SLCO5A1: variants seen among roughly 807,000 people sequenced by gnomAD.
The protein encoded by SLCO5A1 is organic anion transporter polypeptide-related protein 4.
A neutral mutation model predicts 65.1 loss-of-function variants in SLCO5A1; 39 were observed. That is an observed-to-expected ratio of 0.60 (90% CI 0.46 to 0.78). SLCO5A1 has a LOEUF of 0.78. Among genes scored for constraint, SLCO5A1 ranks in the 30% least tolerant of loss-of-function variants. The pLI, the probability that SLCO5A1 is intolerant of heterozygous loss-of-function variation, is 0.00. For synonymous variants in SLCO5A1, 438 were observed against 415.7 expected (o/e 1.05, Z -0.65); for missense variants, 1,029 against 1,069.4 (o/e 0.96, Z 0.53).
intron 4 of SLCO5A1, among the ~76,000 whole-genome samples, chr8:69,747,318 T>A (rs1316193184): frequency 6.6e-6 from 1 of 152,186 alleles, no homozygotes; most frequent in African/African-American, 2.4e-5. Flanking sequence ...TTGATCCTCT[T>A]CTTTTATGAG....
In SLCO5A1 at chr8:69,763,224, G is replaced by A. The variant is rs1015480022; in HGVS notation, c.908-1349C>T. ...CTTGGGAAGCTGAGGCAGGAGAATC[G>A]CTTGAACCTGGGAGATGGAGGTTGC... On this transcript the variant is annotated intron_variant, in intron 2 of 9. Transcript: ENST00000260126. Among the ~76,000 whole-genome samples the A allele has an allele frequency of 4.8e-4, 73 of 151,984 alleles. 1 individual carries two copies. Among genetic ancestry groups the A allele is most frequent in the East Asian group, 1.9e-4 (1 of 5,152 alleles).
intron 5 of SLCO5A1, among the ~76,000 whole-genome samples, chr8:69,705,490 C>G (rs34693001): frequency 0.04 from 6,082 of 152,130 alleles, 235 homozygotes; most frequent in African/African-American, 0.097. Context: ...GTGAGTAAAA[C>G]TTGAATAAGT....
intron 5 of SLCO5A1, among the ~76,000 whole-genome samples, chr8:69,721,676 GA>G (rs202002682): frequency 0.014 from 2,088 of 151,968 alleles, 49 homozygotes; most frequent in African/African-American, 0.047. Context: ...TAAAAATGAA[GA>G]AAAAAATGTT....
At chr8:69,718,997 C>A (rs1019571306) in intron 5 of SLCO5A1, among the ~76,000 whole-genome samples, 1 of 152,150 alleles carries the variant, frequency 6.6e-6, no homozygotes, top group Non-Finnish European at 1.5e-5. Flanking sequence ...GAAGGAGCAA[C>A]GTGAACACAG....
At chr8:69,824,028 T>C (rs1481088659) in intron 2 of SLCO5A1, among the ~76,000 whole-genome samples, 5 of 152,220 alleles carry the variant, frequency 3.3e-5, no homozygotes, top group African/African-American at 1.2e-4. Flanking sequence ...GAATGACTAC[T>C]GGGTACATAA....
intron 1 of SLCO5A1, chr8:69,833,454 A>G (rs929741005): frequency 2.0e-5 from 3 of 152,282 alleles, no homozygotes; most frequent in African/African-American, 7.2e-5. Flanking sequence ...TTATATGTTA[A>G]TAATTATCAA....
chr8:69,732,229 A>C (rs1337209261), intron 5 of SLCO5A1, among the ~76,000 whole-genome samples: 1 of 152,226 alleles, frequency 6.6e-6, no homozygotes, highest in Non-Finnish European at 1.5e-5. Context: ...AAATTACAGT[A>C]ATTTTAAAAA....
intron 4 of SLCO5A1, among the ~76,000 whole-genome samples, chr8:69,748,785 T>TA (rs1053749340): frequency 3.9e-4 from 59 of 152,302 alleles, no homozygotes; most frequent in Non-Finnish European, 1.3e-4. Context: ...GGGAAATTGT[T>TA]AAAAAATGCT....
rs142814382 is a variant in SLCO5A1 at position 69,748,154 on chromosome 8, G to A, written c.1258+7270C>T. 7.2e-5 allele frequency among the ~76,000 whole-genome samples: 11 copies of A among 152,224 alleles called. No homozygotes were observed. In the East Asian group the frequency reaches 1.7e-3, roughly 24 times the overall value. On this transcript the variant is annotated intron_variant, in intron 4 of 9. Transcript: ENST00000260126. ...GACAGGAGCTAGATGACACTAGCAC[G>A]CCACAGTCACCTGGCAGCTTAGCAC...
rs200729998 is a variant in SLCO5A1 at position 69,673,030 on chromosome 8, G to C, written c.2386C>G (p.Pro796Ala). ...HPDNARTRSC[P>A]AFSTQGEFHE... ...AATTCTCCCTGGGTGCTGAAAGCTGGGCAAGATCTAGTCCGGGCATTGTCG... is the reference window on the plus strand; with the variant it reads ...AATTCTCCCTGGGTGCTGAAAGCTGCGCAAGATCTAGTCCGGGCATTGTCG... Residue 796 changes from proline (P) to alanine (A), a missense_variant, in exon 10 of 10, where the codon CCA becomes GCA. Coordinates refer to ENST00000260126, the MANE Select transcript of SLCO5A1 (RefSeq NM_030958.3). 275 of 1,614,058 alleles carry C rather than the reference G, an allele frequency of 1.7e-4. 1 individual carries two copies. The highest frequency in any genetic ancestry group is 2.1e-4 in the Non-Finnish European group (253 of 1,180,038).
In SLCO5A1 at chr8:69,738,072, C is replaced by A. The variant is rs1382368847; in HGVS notation, c.1391G>T (p.Gly464Val). Residue 464 changes from glycine (G) to valine (V), a missense_variant, in exon 5 of 10, where the codon GGT becomes GTT. Physicochemically the swap from Gly to Val is moderately radical, Grantham distance 109 (BLOSUM62 -3). Transcript: ENST00000260126. The stretch of plus-strand genomic sequence containing the variant: ...GATGCTGGCATTGGAGGCTGGGATA[C>A]CAAACTGTGACTCGATGAACTTGGG... ...FIPKFIESQF[G>V]IPASNASIYT... 1 of 1,610,020 alleles carries A rather than the reference C, an allele frequency of 6.2e-7. No homozygotes were observed.
At chr8:69,768,764 T>A (rs996692593) in intron 2 of SLCO5A1, among the ~76,000 whole-genome samples, 1 of 152,128 alleles carries the variant, frequency 6.6e-6, no homozygotes, top group Admixed American at 6.5e-5. Context: ...CCTCTCCACA[T>A]ACAATCACAC....
At chr8:69,717,365 C>T (rs181456516) in intron 5 of SLCO5A1, among the ~76,000 whole-genome samples, 1 of 152,264 alleles carries the variant, frequency 6.6e-6, no homozygotes, top group Admixed American at 6.5e-5. Flanking sequence ...ATTTGTTCCT[C>T]ATTGAATAGC....
At chr8:69,761,688 A>T in intron 3 of SLCO5A1, 55 bp downstream of exon 3, 2 of 1,577,508 alleles carry the variant, frequency 1.3e-6, no homozygotes, top group African/African-American at 2.7e-5. Flanking sequence ...GTGTACCATG[A>T]CTTTAACTAT....
At chr8:69,721,938 G>A (rs1815841119) in intron 5 of SLCO5A1, among the ~76,000 whole-genome samples, 1 of 152,294 alleles carries the variant, frequency 6.6e-6, no homozygotes, top group South Asian at 2.1e-4. Flanking sequence ...TTGGGAGGCT[G>A]AGGCGGGCAG....
intron 2 of SLCO5A1, among the ~76,000 whole-genome samples, chr8:69,780,683 C>A (rs1334940386): frequency 1.3e-5 from 2 of 152,134 alleles, no homozygotes; most frequent in Non-Finnish European, 2.9e-5. Context: ...TGAGCGATTA[C>A]TTAATGGGTA....
At chr8:69,715,722 T>C (rs936032148) in intron 5 of SLCO5A1, among the ~76,000 whole-genome samples, 2 of 152,208 alleles carry the variant, frequency 1.3e-5, no homozygotes, top group Non-Finnish European at 2.9e-5. Flanking sequence ...CCATATTAAT[T>C]CTGCCGAGTG....
intron 5 of SLCO5A1, among the ~76,000 whole-genome samples, chr8:69,732,086 T>G (rs1816361194): frequency 6.6e-6 from 1 of 152,230 alleles, no homozygotes; most frequent in Admixed American, 6.5e-5. Context: ...ATATATCTCT[T>G]GCATCTAAAG....
Position 69,679,569 on chromosome 8 carries a change from A to G in SLCO5A1, c.1833T>C (p.Thr611=), listed in dbSNP as rs201664270. The change falls in exon 8 of 10, where the codon ACT becomes ACC. Residue 611 remains threonine (T), a synonymous_variant. Transcript: ENST00000260126. ...GACTTCGCTGTCCCACGGTGGGTGG[A>G]GTGATCACTTGGCGACTTTGGACAC... is the stretch of plus-strand genomic sequence containing the variant. ...CTCVQSRQVI[T]PPTVGQRSQL... is the part of the protein sequence containing the mutation. 1.7e-4 allele frequency: 268 copies of G among 1,614,092 alleles called. No individual in the cohort carries two copies. Among genetic ancestry groups the G allele is most frequent in the Non-Finnish European group, 2.1e-4 (252 of 1,180,048 alleles).
Sources: allele counts gnomAD v4.1 joint callset (sites outside exome capture counted in the v4.1 genomes callset), GRCh38; gene constraint gnomAD v4.1.1; transcripts MANE v1.5; gene names NCBI Gene and HGNC (gene_info 2026-07-23, HGNC 2026-07-21).